Variants in PSMD14 observed in about 807,000 individuals in gnomAD.
PSMD14 encodes ubiquitin C-terminal hydrolase PSMD14.
A neutral mutation model predicts 41.2 loss-of-function variants in PSMD14; 7 were observed. The ratio of observed to expected loss-of-function variants is 0.17; its 90% CI spans 0.10 to 0.32. The LOEUF (loss-of-function observed/expected upper bound fraction) is 0.32. Among genes scored for constraint, PSMD14 ranks in the 10% least tolerant of loss-of-function variants. The probability of loss-of-function intolerance (pLI) is 1.00; values close to 1 mark genes in which losing one functional copy is unlikely to be tolerated. For missense variants in PSMD14, 139 were observed against 375.6 expected (o/e 0.37, Z 5.21); for synonymous variants, 114 against 122.3 (o/e 0.93, Z 0.45).
intron 1 of PSMD14, among the ~76,000 whole-genome samples, chr2:161,314,117 T>C (rs1689122625): frequency 6.6e-6 from 1 of 152,254 alleles, no homozygotes; most frequent in African/African-American, 2.4e-5. Context: ...ATAGGCACCA[T>C]TTAGAATTAG....
intron 9 of PSMD14, among the ~76,000 whole-genome samples, chr2:161,393,858 A>ATT (rs1260755886): frequency 1.3e-5 from 2 of 152,092 alleles, no homozygotes; most frequent in Non-Finnish European, 2.9e-5. Flanking sequence ...ATCTAAGAAT[A>ATT]AGTACTCAGA....
At chr2:161,364,552 A>G (rs1281937137) in intron 3 of PSMD14, among the ~76,000 whole-genome samples, 4 of 151,522 alleles carry the variant, frequency 2.6e-5, no homozygotes, top group Admixed American at 6.6e-5. Context: ...ATGTTCTTAC[A>G]TACCTCTCTG....
At chr2:161,349,382 C>G (rs531807790) in intron 3 of PSMD14, among the ~76,000 whole-genome samples, 1 of 152,150 alleles carries the variant, frequency 6.6e-6, no homozygotes, top group Non-Finnish European at 1.5e-5. Flanking sequence ...AGAATGCCTG[C>G]TTGGCATGTT....
At chr2:161,403,249 G>A (rs1416286493) in intron 10 of PSMD14, among the ~76,000 whole-genome samples, 1 of 152,138 alleles carries the variant, frequency 6.6e-6, no homozygotes, top group Non-Finnish European at 1.5e-5. Flanking sequence ...CTACTACATG[G>A]ATGGACCTCT....
chr2:161,335,617 G>A (rs1461589421), intron 3 of PSMD14, among the ~76,000 whole-genome samples: 1 of 152,152 alleles, frequency 6.6e-6, no homozygotes, highest in Non-Finnish European at 1.5e-5. Context: ...TACTTAATTA[G>A]TGCTCTACTG....
chr2:161,410,564 T>G (rs2105274929), intron 11 of PSMD14, among the ~76,000 whole-genome samples: 1 of 152,200 alleles, frequency 6.6e-6, no homozygotes. Context: ...TAAATTAGTT[T>G]ATTACAATAC....
At chr2:161,373,738 A>T (rs533098947) in intron 7 of PSMD14, among the ~76,000 whole-genome samples, 2 of 152,004 alleles carry the variant, frequency 1.3e-5, no homozygotes, top group East Asian at 3.9e-4. Context: ...TTTCTTGAAC[A>T]TTTTGTATAT....
intron 10 of PSMD14, among the ~76,000 whole-genome samples, chr2:161,401,232 T>C (rs1286220994): frequency 6.6e-6 from 1 of 152,248 alleles, no homozygotes; most frequent in Non-Finnish European, 1.5e-5. Context: ...TAGTATATGA[T>C]GTATATAACG....
At chr2:161,320,906 A>G (rs922417251) in intron 3 of PSMD14, among the ~76,000 whole-genome samples, 2 of 152,062 alleles carry the variant, frequency 1.3e-5, no homozygotes, top group Non-Finnish European at 2.9e-5. Flanking sequence ...TTGAATTTAT[A>G]GTAGAGACTA....
intron 8 of PSMD14, among the ~76,000 whole-genome samples, chr2:161,388,615 T>C (rs1205698035): frequency 6.6e-6 from 1 of 152,110 alleles, no homozygotes; most frequent in African/African-American, 2.4e-5. Context: ...TTATTCTATT[T>C]ATATTCAAAA....
chr2:161,363,244 C>T (rs528987442), intron 3 of PSMD14, among the ~76,000 whole-genome samples: 13 of 152,256 alleles, frequency 8.5e-5, no homozygotes, highest in South Asian at 4.1e-4. Flanking sequence ...CCCCAAAACT[C>T]GAAAAATGGT....
At chr2:161,330,118 A>G (rs1312888376) in intron 3 of PSMD14, among the ~76,000 whole-genome samples, 1 of 152,230 alleles carries the variant, frequency 6.6e-6, no homozygotes, top group Non-Finnish European at 1.5e-5. Context: ...TCAAGTTCTT[A>G]GAATGGAAGG....
chr2:161,380,680 C>T (rs1683560019), intron 7 of PSMD14, among the ~76,000 whole-genome samples: 1 of 151,926 alleles, frequency 6.6e-6, no homozygotes, highest in Non-Finnish European at 1.5e-5. Context: ...AAACTTGAGA[C>T]TAAGAAATCA....
At chr2:161,405,017 C>T (rs1489785233) in intron 10 of PSMD14, among the ~76,000 whole-genome samples, 1 of 152,200 alleles carries the variant, frequency 6.6e-6, no homozygotes, top group East Asian at 1.9e-4. Context: ...TTTCCAGTTA[C>T]ATGTTCATTA....
intron 1 of PSMD14, among the ~76,000 whole-genome samples, chr2:161,313,116 G>A (rs1689108301): frequency 6.6e-6 from 1 of 152,076 alleles, no homozygotes; most frequent in Admixed American, 6.6e-5. Context: ...GAGGAGAGAG[G>A]TAATTTACTC....
At chr2:161,391,034 A>G in intron 8 of PSMD14, 70 bp from the exon 9 acceptor site, 1 of 1,327,844 alleles carries the variant, frequency 7.5e-7, no homozygotes. Flanking sequence ...AGAATATATC[A>G]ACAGTTTCAA....
intron 5 of PSMD14, among the ~76,000 whole-genome samples, chr2:161,368,221 C>G (rs1683385180): frequency 6.6e-6 from 1 of 151,570 alleles, no homozygotes; most frequent in African/African-American, 2.4e-5. Flanking sequence ...GATTTTGAAC[C>G]AAGTGTTCAA....
intron 7 of PSMD14, chr2:161,382,662 A>G (rs1683583671): frequency 6.6e-6 from 1 of 151,854 alleles, no homozygotes; most frequent in Non-Finnish European, 1.5e-5. Flanking sequence ...TTCAAAGTCT[A>G]GCATCATATT....
At chr2:161,349,028 A>G (rs1683082538) in intron 3 of PSMD14, among the ~76,000 whole-genome samples, 1 of 152,070 alleles carries the variant, frequency 6.6e-6, no homozygotes, top group African/African-American at 2.4e-5. Flanking sequence ...GCATCTTTCT[A>G]TCTTAGGCCG....
Sources: gnomAD v4.1 joint callset for allele counts (sites outside exome capture counted in the v4.1 genomes callset) on GRCh38, gnomAD v4.1.1 for gene constraint, MANE v1.5 for transcripts, NCBI Gene and HGNC (gene_info 2026-07-23, HGNC 2026-07-21) for gene names.